PABPC4L: variants seen among roughly 807,000 people sequenced by gnomAD.
PABPC4L encodes poly(A) binding protein cytoplasmic 4 like.
For missense variants in PABPC4L, 452 were observed against 451.4 expected, an observed-to-expected ratio of 1.00 and a Z score of -0.01; for synonymous variants, 169 against 164.1, an observed-to-expected ratio of 1.03 and a Z score of -0.23.
the PABPC4L span, among the ~76,000 whole-genome samples, chr4:133,994,644 G>C: frequency 2.0e-5 from 3 of 152,078 alleles, no homozygotes; most frequent in East Asian, 5.8e-4. Context: ...CAATTTTTAA[G>C]GTAATCATGT....
chr4:133,994,431 T>C, the PABPC4L span, among the ~76,000 whole-genome samples: 9 of 152,252 alleles, frequency 5.9e-5, no homozygotes, highest in South Asian at 1.0e-3. Flanking sequence ...TTAATGGGCA[T>C]AGGCACAATT....
At chr4:133,969,824 C>A in the PABPC4L span, among the ~76,000 whole-genome samples, 2 of 152,050 alleles carry the variant, frequency 1.3e-5, no homozygotes, top group African/African-American at 2.4e-5. Context: ...AAACGCTTAT[C>A]TTGACTATCA....
the PABPC4L span, among the ~76,000 whole-genome samples, chr4:134,015,949 C>T: frequency 1.6e-4 from 24 of 152,296 alleles, no homozygotes; most frequent in African/African-American, 5.5e-4. Flanking sequence ...TGCTTCCTGG[C>T]TCCTTCAGCT....
chr4:134,127,685 G>A, the PABPC4L span, among the ~76,000 whole-genome samples: 11 of 152,110 alleles, frequency 7.2e-5, no homozygotes, highest in Middle Eastern at 3.4e-3. Context: ...CTCTGACATA[G>A]TCTACCCAAA....
chr4:134,005,337 C>T, the PABPC4L span, among the ~76,000 whole-genome samples: 1 of 151,584 alleles, frequency 6.6e-6, no homozygotes, highest in African/African-American at 2.4e-5. Context: ...CCATGTATAC[C>T]TTTGCATATA....
the PABPC4L span, among the ~76,000 whole-genome samples, chr4:133,980,337 G>T: frequency 6.6e-6 from 1 of 152,232 alleles, no homozygotes; most frequent in East Asian, 1.9e-4. Flanking sequence ...TACATATAGG[G>T]TAAATTGGCT....
the PABPC4L span, among the ~76,000 whole-genome samples, chr4:133,981,391 G>T: frequency 6.6e-6 from 1 of 151,590 alleles, no homozygotes; most frequent in African/African-American, 2.4e-5. Flanking sequence ...GAAAAATGTC[G>T]GATTTCTGTC....
chr4:134,131,401 C>A, the PABPC4L span, among the ~76,000 whole-genome samples: 1 of 151,870 alleles, frequency 6.6e-6, no homozygotes, highest in African/African-American at 2.4e-5. Context: ...AAAGCAACAG[C>A]AACCAAGCTG....
the PABPC4L span, among the ~76,000 whole-genome samples, chr4:134,015,567 C>T: frequency 6.6e-6 from 1 of 152,118 alleles, no homozygotes; most frequent in Non-Finnish European, 1.5e-5. Flanking sequence ...TTCAGTTAAG[C>T]CCAAATTTCA....
the PABPC4L span, among the ~76,000 whole-genome samples, chr4:134,173,064 T>A: frequency 6.8e-6 from 1 of 147,346 alleles, no homozygotes; most frequent in African/African-American, 2.5e-5. Flanking sequence ...CAATAACAAA[T>A]GCTGATGAGG....
chr4:134,191,774 A>G (rs973175250), downstream of PABPC4L, among the ~76,000 whole-genome samples: 3 of 152,068 alleles, frequency 2.0e-5, no homozygotes, highest in Non-Finnish European at 2.9e-5. Flanking sequence ...ATTAAAAAAG[A>G]GGAAAATTTT....
At chr4:134,041,354 G>C in the PABPC4L span, among the ~76,000 whole-genome samples, 1 of 152,066 alleles carries the variant, frequency 6.6e-6, no homozygotes, top group African/African-American at 2.4e-5. Flanking sequence ...ACTGGATAAA[G>C]AAAATATGGC....
the PABPC4L span, among the ~76,000 whole-genome samples, chr4:134,049,315 C>A: frequency 6.6e-6 from 1 of 152,086 alleles, no homozygotes; most frequent in Non-Finnish European, 1.5e-5. Flanking sequence ...AAATTATTAA[C>A]AATTCCAAGA....
At chr4:134,145,991 C>T in the PABPC4L span, among the ~76,000 whole-genome samples, 4 of 151,856 alleles carry the variant, frequency 2.6e-5, no homozygotes, top group South Asian at 8.3e-4. Context: ...TTTATACATC[C>T]AGTTATGGAC....
chr4:134,088,858 CA>C, the PABPC4L span, among the ~76,000 whole-genome samples: 6 of 152,066 alleles, frequency 3.9e-5, no homozygotes, highest in African/African-American at 1.4e-4. Context: ...ATTATGTCCA[CA>C]AATCTTTATT....
At chr4:134,058,724 T>C in the PABPC4L span, among the ~76,000 whole-genome samples, 1 of 152,086 alleles carries the variant, frequency 6.6e-6, no homozygotes, top group Non-Finnish European at 1.5e-5. Context: ...TGAAATCAAC[T>C]TTAATTCTTC....
At chr4:134,109,927 A>G in the PABPC4L span, among the ~76,000 whole-genome samples, 1 of 151,960 alleles carries the variant, frequency 6.6e-6, no homozygotes, top group Non-Finnish European at 1.5e-5. Context: ...GAAATTATAG[A>G]ACAAATTCTG....
At chr4:134,048,028 A>T in the PABPC4L span, among the ~76,000 whole-genome samples, 1 of 152,060 alleles carries the variant, frequency 6.6e-6, no homozygotes, top group Non-Finnish European at 1.5e-5. Context: ...TTTTTTCCCA[A>T]AAGTTTTATT....
At chr4:133,961,175 C>T in the PABPC4L span, among the ~76,000 whole-genome samples, 4 of 152,120 alleles carry the variant, frequency 2.6e-5, no homozygotes, top group Non-Finnish European at 5.9e-5. Flanking sequence ...CTCCTGCCAT[C>T]GCCACCAGAA....
Sources: allele counts gnomAD v4.1 joint callset (sites outside exome capture counted in the v4.1 genomes callset), GRCh38; gene constraint gnomAD v4.1.1; transcripts MANE v1.5; gene names NCBI Gene and HGNC (gene_info 2026-07-23, HGNC 2026-07-21).